CEP128: variants seen among roughly 807,000 people sequenced by gnomAD.
CEP128 encodes the protein centrosomal protein 128kDa.
A neutral mutation model predicts 156.7 loss-of-function variants in CEP128; 132 were observed. That is an observed-to-expected ratio of 0.84 (90% confidence interval 0.73 to 0.97). The LOEUF is 0.97. Among genes scored for constraint, CEP128 ranks in the 50% least tolerant of loss-of-function variants. The pLI is 0.00. For missense variants in CEP128, 1,252 were observed against 1,281.9 expected, an observed-to-expected ratio of 0.98 and a Z score of 0.36; for synonymous variants, 469 against 448.9, an observed-to-expected ratio of 1.04 and a Z score of -0.57.
chr14:80,692,948 T>C (rs1896766563), intron 19 of CEP128, among the ~76,000 whole-genome samples: 1 of 152,204 alleles, frequency 6.6e-6, no homozygotes, highest in African/African-American at 2.4e-5. Context: ...TCTCATACTT[T>C]AATGTGCATT....
chr14:80,919,180 C>T (rs1273444364), intron 2 of CEP128, among the ~76,000 whole-genome samples: 2 of 152,106 alleles, frequency 1.3e-5, no homozygotes, highest in African/African-American at 4.8e-5. Flanking sequence ...CTTGATATTT[C>T]TAAGAGTATC....
At chr14:80,930,960 T>C (rs969634645) in intron 2 of CEP128, among the ~76,000 whole-genome samples, 26 of 152,226 alleles carry the variant, frequency 1.7e-4, no homozygotes, top group Admixed American at 3.9e-4. Flanking sequence ...TGGCTAGCAC[T>C]ATAACTAGAT....
At chr14:80,890,938 AC>A (rs1466530960) in intron 8 of CEP128, among the ~76,000 whole-genome samples, 1 of 152,178 alleles carries the variant, frequency 6.6e-6, no homozygotes, top group Non-Finnish European at 1.5e-5. Context: ...AAACAGGTAT[AC>A]AAAAAGGTGC....
intron 19 of CEP128, among the ~76,000 whole-genome samples, chr14:80,594,625 GA>G (rs1158424265): frequency 8.1e-4 from 123 of 151,976 alleles, no homozygotes; most frequent in Non-Finnish European, 5.9e-5. Flanking sequence ...AAATTTATAA[GA>G]AAAAAACAAA....
At chr14:80,725,322 A>G (rs776693976) in intron 19 of CEP128, among the ~76,000 whole-genome samples, 2 of 151,658 alleles carry the variant, frequency 1.3e-5, no homozygotes, top group Admixed American at 6.6e-5. Context: ...AGCTGGGATT[A>G]CAAGTGCCCA....
intron 8 of CEP128, among the ~76,000 whole-genome samples, chr14:80,865,810 C>T (rs751862897): frequency 2.6e-5 from 4 of 152,068 alleles, no homozygotes; most frequent in Non-Finnish European, 5.9e-5. Flanking sequence ...AGCCTTTTAA[C>T]AGGTCATGAC....
chr14:80,523,652 C>T (rs553801573), intron 23 of CEP128, among the ~76,000 whole-genome samples: 2 of 152,332 alleles, frequency 1.3e-5, no homozygotes, highest in South Asian at 4.2e-4. Context: ...ATTTTGTTCA[C>T]TGATGTGAGT....
intron 14 of CEP128, among the ~76,000 whole-genome samples, chr14:80,480,290 C>T (rs1887026175): frequency 6.6e-6 from 1 of 152,184 alleles, no homozygotes. Flanking sequence ...TTTGCCTGGG[C>T]ATCCAGGTGT....
intron 19 of CEP128, among the ~76,000 whole-genome samples, chr14:80,680,897 C>G (rs770291547): frequency 1.3e-5 from 2 of 152,168 alleles, no homozygotes; most frequent in East Asian, 3.9e-4. Context: ...CAACAACCCC[C>G]ACCAGTGCTG....
At chr14:80,579,461 T>C (rs1485297567) in intron 20 of CEP128, among the ~76,000 whole-genome samples, 1 of 152,198 alleles carries the variant, frequency 6.6e-6, no homozygotes, top group Non-Finnish European at 1.5e-5. Context: ...AGATCAATTA[T>C]ACAATTTTCT....
At chr14:80,888,603 A>G (rs146015297) in intron 8 of CEP128, among the ~76,000 whole-genome samples, 15 of 152,340 alleles carry the variant, frequency 9.8e-5, no homozygotes, top group African/African-American at 3.4e-4. Flanking sequence ...AAAACACTCA[A>G]GAAACTAGGT....
chr14:80,877,204 A>G (rs2139293675), intron 8 of CEP128, among the ~76,000 whole-genome samples: 1 of 152,278 alleles, frequency 6.6e-6, no homozygotes. Flanking sequence ...GACGTGGAAT[A>G]CAGAAAAATG....
At chr14:80,579,246 T>C (rs950230109) in intron 20 of CEP128, among the ~76,000 whole-genome samples, 2 of 152,098 alleles carry the variant, frequency 1.3e-5, no homozygotes, top group African/African-American at 4.8e-5. Flanking sequence ...ACAACAAGCA[T>C]TGCTGATATT....
At chr14:80,697,201 T>C (rs1185218218) in intron 19 of CEP128, among the ~76,000 whole-genome samples, 1 of 152,150 alleles carries the variant, frequency 6.6e-6, no homozygotes, top group African/African-American at 2.4e-5. Context: ...CTAAAGACTT[T>C]ATAAATCAAT....
intron 9 of CEP128, among the ~76,000 whole-genome samples, chr14:80,844,160 A>G (rs1022793957): frequency 1.3e-5 from 2 of 152,028 alleles, no homozygotes; most frequent in South Asian, 2.1e-4. Context: ...AACAAAAACC[A>G]AAACAAAAAA....
intron 16 of CEP128, among the ~76,000 whole-genome samples, chr14:80,771,212 G>A (rs186584994): frequency 6.6e-6 from 1 of 152,162 alleles, no homozygotes; most frequent in Non-Finnish European, 1.5e-5. Context: ...AAGAGTATAT[G>A]GTAATTTGTT....
chr14:80,533,048 G>A (rs143171651), intron 21 of CEP128, among the ~76,000 whole-genome samples: 1 of 152,040 alleles, frequency 6.6e-6, no homozygotes, highest in Non-Finnish European at 1.5e-5. Flanking sequence ...CATTTTAAAT[G>A]ACTTCATCTA....
At chr14:80,532,624 G>A (rs1166663160) in intron 21 of CEP128, among the ~76,000 whole-genome samples, 1 of 152,138 alleles carries the variant, frequency 6.6e-6, no homozygotes, top group Non-Finnish European at 1.5e-5. Flanking sequence ...CACAGTAACT[G>A]TGCTAATTAC....
chr14:80,895,797 A>AT lies in CEP128; in HGVS notation c.573-8_573-7insA. 6.7e-7 allele frequency: 1 copy of AT among 1,487,042 alleles called. No individual in the cohort carries two copies. Among genetic ancestry groups the AT allele is most frequent in the Non-Finnish European group, 8.9e-7 (1 of 1,125,716 alleles). 92.1% of individuals were successfully genotyped at this position (1,487,042 alleles called of 1,614,324 possible). On this transcript the variant is annotated splice_region_variant and splice_polypyrimidine_tract_variant and intron_variant, in intron 7 of 24. Coordinates refer to ENST00000555265, the MANE Select transcript of CEP128 (RefSeq NM_152446.5). ...TTTTGTTTCGGCATCTGACCTAGGA[A>AT]GAAAAAAAAAAAAAAGATTTAAATT...
Sources: gnomAD v4.1 joint callset for allele counts (sites outside exome capture counted in the v4.1 genomes callset) on GRCh38, gnomAD v4.1.1 for gene constraint, MANE v1.5 for transcripts, NCBI Gene and HGNC (gene_info 2026-07-23, HGNC 2026-07-21) for gene names.